EML1: variants seen among roughly 807,000 people sequenced by gnomAD.
The protein encoded by EML1 is echinoderm microtubule-associated protein-like 1.
EML1 carries 27 observed loss-of-function variants against 110.4 expected under a neutral mutation model. The ratio of observed to expected loss-of-function variants is 0.24; its 90% CI spans 0.18 to 0.34. The LOEUF is 0.34. EML1 is among the 10% of genes least tolerant of loss of function. The pLI is 1.00. For missense variants in EML1, 741 were observed against 1,030.9 expected (o/e 0.72, Z 3.85); for synonymous variants, 344 against 385.8 (o/e 0.89, Z 1.27).
chr14:99,831,415 T>G (rs77347151), intron 1 of EML1, among the ~76,000 whole-genome samples: 3,032 of 152,196 alleles, frequency 0.02, 57 homozygotes, highest in Non-Finnish European at 0.031. Context: ...GTTCCCCCCA[T>G]CGTTGGGCCC....
chr14:99,778,726 G>A (rs528874491), intron 1 of EML1, among the ~76,000 whole-genome samples: 3 of 152,280 alleles, frequency 2.0e-5, no homozygotes, highest in East Asian at 3.9e-4. Flanking sequence ...TTGCACACAT[G>A]ATTTGATGGT....
chr14:99,907,677 G>A lies in EML1; in HGVS notation c.1048G>A (p.Asp350Asn), dbSNP rs202153209. The A allele has an allele frequency of 2.5e-6, 4 of 1,614,130 alleles. No individual in the cohort carries two copies. Among genetic ancestry groups the A allele is most frequent in the Middle Eastern group, 1.6e-4 (1 of 6,062 alleles). The stretch of plus-strand genomic sequence containing the variant: ...TCTCTGTGCTGTGGATGACTCCAAC[G>A]ACCATGTGCTCTCTGTATGGGACTG... ...TNLCAVDDSN[D>N]HVLSVWDWQK... The change falls in exon 10 of 22, where the codon GAC becomes AAC. Residue 350 changes from aspartate to asparagine, a missense_variant. This residue lies in a region of EML1 where 388 missense variants were observed against 605.6 expected (regional missense o/e 0.64). Coordinates refer to ENST00000262233, the MANE Select transcript of EML1 (RefSeq NM_004434.3).
At chr14:99,746,857 T>C (rs939381458) in intron 1 of EML1, among the ~76,000 whole-genome samples, 5 of 152,134 alleles carry the variant, frequency 3.3e-5, no homozygotes, top group African/African-American at 1.2e-4. Flanking sequence ...GGGCTCCCAG[T>C]TCTTCCTGGG....
rs745448819 is a variant in EML1 at position 99,936,367 on chromosome 14, G to C, written c.2095+33G>C. 3.1e-6 allele frequency: 5 copies of C among 1,597,630 alleles called. No homozygotes were observed. In the Admixed American group the frequency reaches 6.7e-5, roughly 21 times the overall value. ...CCACCCCGGGGTTGTATGAAGTCTCGATCTCAGAAAGCGTTCACTCTGAGA... is the reference window on the plus strand; with the variant it reads ...CCACCCCGGGGTTGTATGAAGTCTCCATCTCAGAAAGCGTTCACTCTGAGA... On this transcript the variant is annotated intron_variant, in intron 19 of 21. Transcript: ENST00000262233. This position sits in a 1 kb window ranked among gnomAD's most constrained non-coding sequence, Gnocchi z 5.5.
chr14:99,929,476 A>C (rs1324278288), intron 17 of EML1, among the ~76,000 whole-genome samples: 3 of 152,018 alleles, frequency 2.0e-5, no homozygotes, highest in Non-Finnish European at 4.4e-5. Flanking sequence ...GATGGGAGGG[A>C]CCCTATTTTG....
intron 4 of EML1, chr14:99,883,656 G>A (rs1321220531): frequency 6.6e-6 from 1 of 152,142 alleles, no homozygotes; most frequent in African/African-American, 2.4e-5. Context: ...TATTTGCAGG[G>A]TGCTGTATGA....
At chr14:99,763,771 T>C (rs958355609) in intron 1 of EML1, among the ~76,000 whole-genome samples, 8 of 152,292 alleles carry the variant, frequency 5.3e-5, no homozygotes, top group African/African-American at 1.9e-4. Context: ...AGTTGTGTAA[T>C]AAACACAAGC....
chr14:99,892,686 A>G (rs904451426), intron 5 of EML1, among the ~76,000 whole-genome samples: 32 of 152,202 alleles, frequency 2.1e-4, no homozygotes, highest in Admixed American at 1.3e-4. Context: ...CTAGTTCAGT[A>G]AGTTAAAATT....
intron 6 of EML1, among the ~76,000 whole-genome samples, chr14:99,895,765 TA>T (rs3071434): frequency 2.0e-5 from 3 of 147,808 alleles, no homozygotes; most frequent in Non-Finnish European, 3.0e-5. Context: ...CATCCTACTT[TA>T]AAAAAAAAAA....
chr14:99,928,207 T>A (rs1595497513), intron 17 of EML1, among the ~76,000 whole-genome samples: 1 of 70,098 alleles, frequency 1.4e-5, no homozygotes, highest in Non-Finnish European at 2.8e-5. Flanking sequence ...GTGGTGGTGG[T>A]GATGGTGATG....
intron 2 of EML1, among the ~76,000 whole-genome samples, chr14:99,859,819 T>C (rs2058970482): frequency 6.6e-6 from 1 of 152,218 alleles, no homozygotes; most frequent in Non-Finnish European, 1.5e-5. Context: ...CATTTTATTC[T>C]CTTCACATTA....
chr14:99,934,355 C>T (rs951694653), intron 17 of EML1, among the ~76,000 whole-genome samples: 5 of 152,230 alleles, frequency 3.3e-5, no homozygotes, highest in African/African-American at 1.2e-4. Flanking sequence ...TTGCCCCATT[C>T]CTTCAGAATT....
intron 1 of EML1, among the ~76,000 whole-genome samples, chr14:99,831,632 C>T (rs764373032): frequency 2.6e-5 from 4 of 151,934 alleles, no homozygotes; most frequent in Non-Finnish European, 4.4e-5. Flanking sequence ...TTTAAATGAA[C>T]GAGTTCATTA....
chr14:99,890,322 G>A (rs2059564739), intron 4 of EML1, among the ~76,000 whole-genome samples: 1 of 152,220 alleles, frequency 6.6e-6, no homozygotes, highest in Admixed American at 6.5e-5. Context: ...TGGAGTCAAA[G>A]TTGAGGTCAA....
At chr14:99,863,472 T>C (rs2059037902) in intron 2 of EML1, among the ~76,000 whole-genome samples, 1 of 152,208 alleles carries the variant, frequency 6.6e-6, no homozygotes, top group Non-Finnish European at 1.5e-5. Context: ...TCTTACAGAA[T>C]AGTTTTATCA....
intron 1 of EML1, among the ~76,000 whole-genome samples, chr14:99,825,821 G>A (rs1044446294): frequency 2.0e-5 from 3 of 152,162 alleles, no homozygotes; most frequent in African/African-American, 7.2e-5. Flanking sequence ...GGGAGCAGTC[G>A]AGGTGAATAT....
At chr14:99,928,961 T>TTCTCACCA (rs2060317863) in intron 17 of EML1, among the ~76,000 whole-genome samples, 1 of 152,214 alleles carries the variant, frequency 6.6e-6, no homozygotes, top group African/African-American at 2.4e-5. Flanking sequence ...TATCTTGTGT[T>TTCTCACCA]TCTCACCATT....
At chr14:99,796,401 A>C (rs894831248) in intron 1 of EML1, among the ~76,000 whole-genome samples, 6 of 152,178 alleles carry the variant, frequency 3.9e-5, no homozygotes, top group African/African-American at 1.4e-4. Flanking sequence ...CTCATCTTTC[A>C]GGAACTGTCT....
intron 19 of EML1, among the ~76,000 whole-genome samples, chr14:99,937,288 A>G (rs2060492739): frequency 6.6e-6 from 1 of 152,116 alleles, no homozygotes; most frequent in South Asian, 2.1e-4. Context: ...CAGGAACGGT[A>G]TGATTTTCAG....
Sources: allele counts gnomAD v4.1 joint callset (sites outside exome capture counted in the v4.1 genomes callset), GRCh38; gene constraint gnomAD v4.1.1; regional missense constraint gnomAD v4.1.1; non-coding constraint Gnocchi (gnomAD v3.1); transcripts MANE v1.5; gene names NCBI Gene and HGNC (gene_info 2026-07-23, HGNC 2026-07-21).